NEDD9: variants seen among roughly 807,000 people sequenced by gnomAD.
NEDD9 encodes enhancer of filamentation 1.
A neutral mutation model predicts 76.6 loss-of-function variants in NEDD9; 26 were observed. The ratio of observed to expected loss-of-function variants is 0.34; its 90% CI spans 0.25 to 0.47. NEDD9 has a LOEUF of 0.47. Among genes scored for constraint, NEDD9 ranks in the 20% least tolerant of loss-of-function variants. The pLI, the probability that NEDD9 is intolerant of heterozygous loss-of-function variation, is 1.00. For missense variants in NEDD9, 937 were observed against 1,058.5 expected, an observed-to-expected ratio of 0.89 and a Z score of 1.59; for synonymous variants, 392 against 414.2, an observed-to-expected ratio of 0.95 and a Z score of 0.65.
intron 3 of NEDD9, among the ~76,000 whole-genome samples, chr6:11,293,392 A>G (rs970250745): frequency 2.0e-5 from 3 of 152,166 alleles, no homozygotes; most frequent in Non-Finnish European, 4.4e-5. Context: ...GATTGGGCCA[A>G]ATATTTTCGA....
At chr6:11,196,372 TG>T (rs371957548) in intron 2 of NEDD9, among the ~76,000 whole-genome samples, 53 of 152,244 alleles carry the variant, frequency 3.5e-4, no homozygotes, top group East Asian at 2.5e-3. Flanking sequence ...TGGGTGGCGT[TG>T]GTGTCTGAAA....
At chr6:11,201,058 G>A in intron 2 of NEDD9, 1 of 1,614,202 alleles carries the variant, frequency 6.2e-7, no homozygotes, top group Non-Finnish European at 8.5e-7. Flanking sequence ...TAGAGACAAA[G>A]CATTTTCTGT....
upstream of NEDD9, among the ~76,000 whole-genome samples, chr6:11,234,688 TGC>T (rs1759562423): frequency 6.6e-6 from 1 of 151,504 alleles, no homozygotes; most frequent in Non-Finnish European, 1.5e-5. Context: ...GGTAAACCTG[TGC>T]TGGAACCTCA....
chr6:11,350,994 T>G lies in NEDD9; in HGVS notation c.-213-16433A>C, dbSNP rs571129686. 3.3e-5 allele frequency among the ~76,000 whole-genome samples: 5 copies of G among 152,298 alleles called. No homozygotes were observed. The South Asian group carries it at 1.0e-3, about 32-fold the overall frequency. Reference sequence around the variant, plus strand: ...GTGTACAACTTGTTTTATATATACATTGTGGACGCCACAATGATCAAGCGA... The same window carrying G: ...GTGTACAACTTGTTTTATATATACAGTGTGGACGCCACAATGATCAAGCGA... On this transcript the variant is annotated intron_variant, in intron 1 of 3. Coordinates refer to the NEDD9 transcript ENST00000397378.
chr6:11,187,977 T>G (rs1397180307), intron 6 of NEDD9, among the ~76,000 whole-genome samples: 2 of 152,208 alleles, frequency 1.3e-5, no homozygotes, highest in Non-Finnish European at 2.9e-5. Context: ...CCTCATATGT[T>G]AGATATGCAG....
At chr6:11,240,647 CT>C (rs1759693137) in intron 3 of NEDD9, among the ~76,000 whole-genome samples, 2 of 152,134 alleles carry the variant, frequency 1.3e-5, no homozygotes, top group Admixed American at 6.5e-5. Context: ...TAATTACTAC[CT>C]TTTTTTCTTC....
chr6:11,343,656 C>T (rs1762315446), intron 1 of NEDD9, among the ~76,000 whole-genome samples: 1 of 152,180 alleles, frequency 6.6e-6, no homozygotes, highest in African/African-American at 2.4e-5. Context: ...GCACAAAATG[C>T]ATGCTCAATA....
chr6:11,212,274 A>G (rs2113757683), intron 2 of NEDD9, among the ~76,000 whole-genome samples: 1 of 152,334 alleles, frequency 6.6e-6, no homozygotes, highest in Middle Eastern at 3.4e-3. Context: ...ACCCATTGGA[A>G]TTTGCCAGCA....
intron 3 of NEDD9, among the ~76,000 whole-genome samples, chr6:11,242,453 G>A (rs9348837): frequency 0.14 from 21,593 of 152,006 alleles, 2,267 homozygotes; most frequent in East Asian, 0.61. Flanking sequence ...GGGGTGGAGA[G>A]TAGTGACAAG....
chr6:11,335,126 TA>T (rs57208113), intron 1 of NEDD9, among the ~76,000 whole-genome samples: 106,502 of 151,966 alleles, frequency 0.7, 38,515 homozygotes, highest in African/African-American at 0.87. Flanking sequence ...TGACTGAAAG[TA>T]AAAAAAAATC....
intron 3 of NEDD9, chr6:11,248,856 A>G (rs1441066538): frequency 1.2e-5 from 4 of 338,128 alleles, no homozygotes; most frequent in Admixed American, 3.8e-5. Flanking sequence ...CAGTACTGGT[A>G]TCTGAGGACT....
At chr6:11,289,095 C>A (rs1760709292) in intron 3 of NEDD9, among the ~76,000 whole-genome samples, 1 of 152,216 alleles carries the variant, frequency 6.6e-6, no homozygotes, top group African/African-American at 2.4e-5. Context: ...TCAGCAAACG[C>A]ATTCATCTTA....
chr6:11,258,246 C>T (rs1199040921), intron 3 of NEDD9, among the ~76,000 whole-genome samples: 1 of 152,172 alleles, frequency 6.6e-6, no homozygotes, highest in Non-Finnish European at 1.5e-5. Context: ...TCTGAGCCTG[C>T]CATGTGCTTA....
At chr6:11,339,764 G>C (rs1005499559) in intron 1 of NEDD9, among the ~76,000 whole-genome samples, 3 of 152,188 alleles carry the variant, frequency 2.0e-5, no homozygotes, top group Middle Eastern at 3.2e-3. Context: ...TTCAGGACTT[G>C]ACTGGGTTCT....
At chr6:11,326,014 C>T (rs1761918790) in intron 2 of NEDD9, among the ~76,000 whole-genome samples, 1 of 152,076 alleles carries the variant, frequency 6.6e-6, no homozygotes, top group Non-Finnish European at 1.5e-5. Context: ...GGTGTCGTGG[C>T]ACATGCCTGT....
At chr6:11,290,375 A>G (rs1760738800) in intron 3 of NEDD9, among the ~76,000 whole-genome samples, 1 of 152,192 alleles carries the variant, frequency 6.6e-6, no homozygotes, top group Admixed American at 6.5e-5. Context: ...AAGCCTTAGT[A>G]TGTGACTTCT....
chr6:11,363,744 T>G (rs1762716767), intron 1 of NEDD9, among the ~76,000 whole-genome samples: 2 of 152,178 alleles, frequency 1.3e-5, no homozygotes, highest in South Asian at 4.1e-4. Context: ...GAACCTTTTT[T>G]GGGGATATGT....
chr6:11,247,865 G>A (rs1303160399), intron 3 of NEDD9, among the ~76,000 whole-genome samples: 1 of 152,152 alleles, frequency 6.6e-6, no homozygotes, highest in East Asian at 1.9e-4. Flanking sequence ...GCAAAATTTG[G>A]GGTGTGTTGG....
chr6:11,188,173 G>A, intron 6 of NEDD9, 45 bp downstream of exon 6: 5 of 1,429,730 alleles, frequency 3.5e-6, no homozygotes, highest in Non-Finnish European at 4.0e-6. Context: ...TGCTAGGTGG[G>A]AAATCTTTCC....
Sources: gnomAD v4.1 joint callset for allele counts (sites outside exome capture counted in the v4.1 genomes callset) on GRCh38, gnomAD v4.1.1 for gene constraint, MANE v1.5 for transcripts, NCBI Gene and HGNC (gene_info 2026-07-23, HGNC 2026-07-21) for gene names.